BNC2: variants seen among roughly 807,000 people sequenced by gnomAD.
The protein encoded by BNC2 is zinc finger protein basonuclin-2.
Under a neutral mutation model 76.3 loss-of-function variants are expected in BNC2, and 20 were observed. That is an observed-to-expected ratio of 0.26 (90% CI 0.18 to 0.38). The LOEUF is 0.38. Among genes scored for constraint, BNC2 ranks in the 10% least tolerant of loss-of-function variants. The pLI is 1.00. For missense variants in BNC2, 1,382 were observed against 1,399.8 expected, an observed-to-expected ratio of 0.99 and a Z score of 0.20; for synonymous variants, 582 against 514.8, an observed-to-expected ratio of 1.13 and a Z score of -1.77.
At chr9:16,736,444 T>TTATTATTA (rs56118953) in intron 2 of BNC2, among the ~76,000 whole-genome samples, 1 of 149,270 alleles carries the variant, frequency 6.7e-6, no homozygotes, top group Non-Finnish European at 1.5e-5. Flanking sequence ...ACAGAGACTA[T>TTATTATTA]TTATTATTAT....
At chr9:16,532,904 C>G (rs1030955794) in intron 5 of BNC2, among the ~76,000 whole-genome samples, 4 of 152,188 alleles carry the variant, frequency 2.6e-5, no homozygotes, top group African/African-American at 2.4e-5. Flanking sequence ...CCAGAGAAAT[C>G]AGCAAACACT....
At chr9:16,628,014 T>C (rs761532993) in intron 3 of BNC2, among the ~76,000 whole-genome samples, 7 of 152,190 alleles carry the variant, frequency 4.6e-5, no homozygotes, top group Non-Finnish European at 1.0e-4. Context: ...GGCCAATCCT[T>C]AAGAAGTCAC....
At chr9:16,777,938 T>C (rs1563938558) in intron 1 of BNC2, among the ~76,000 whole-genome samples, 1 of 152,126 alleles carries the variant, frequency 6.6e-6, no homozygotes, top group African/African-American at 2.4e-5. Flanking sequence ...ATACTGGCAA[T>C]GAGAAAACAG....
chr9:16,725,215 T>TCACACACACA (rs1184662562), intron 3 of BNC2, among the ~76,000 whole-genome samples: 7 of 59,588 alleles, frequency 1.2e-4, no homozygotes, highest in South Asian at 3.9e-4. Context: ...AGTCTCTCTC[T>TCACACACACA]CTCACACACA....
At chr9:16,738,609 T>G in intron 1 of BNC2, 124 bp from the exon 2 acceptor site, 2 of 1,095,346 alleles carry the variant, frequency 1.8e-6, no homozygotes, top group African/African-American at 3.1e-5. Flanking sequence ...ACACATTTTT[T>G]AAGAGTTAAT....
At chr9:16,627,974 C>A (rs1343025194) in intron 3 of BNC2, among the ~76,000 whole-genome samples, 1 of 152,120 alleles carries the variant, frequency 6.6e-6, no homozygotes, top group Non-Finnish European at 1.5e-5. Context: ...GGACATTTTA[C>A]GGTGTACAAT....
chr9:16,496,641 T>C (rs1822395126), intron 5 of BNC2, among the ~76,000 whole-genome samples: 1 of 152,246 alleles, frequency 6.6e-6, no homozygotes, highest in Non-Finnish European at 1.5e-5. Flanking sequence ...TTTCTTTAAA[T>C]ATTTAATATA....
intron 1 of BNC2, among the ~76,000 whole-genome samples, chr9:16,785,471 T>G (rs971352929): frequency 1.3e-5 from 2 of 151,796 alleles, no homozygotes; most frequent in East Asian, 1.9e-4. Context: ...ATTGCCTAAC[T>G]GCAACCTCCA....
chr9:16,657,378 C>T (rs1821959901), intron 3 of BNC2, among the ~76,000 whole-genome samples: 1 of 152,078 alleles, frequency 6.6e-6, no homozygotes, highest in African/African-American at 2.4e-5. Context: ...TCAAATGTCA[C>T]AGAGAAATAA....
At chr9:16,707,406 C>A (rs908341910) in intron 3 of BNC2, among the ~76,000 whole-genome samples, 1 of 152,138 alleles carries the variant, frequency 6.6e-6, no homozygotes, top group Admixed American at 6.5e-5. Context: ...CAAACAGATA[C>A]ACTTTTCTTC....
At chr9:16,517,074 G>C (rs185307025) in intron 5 of BNC2, among the ~76,000 whole-genome samples, 46 of 152,332 alleles carry the variant, frequency 3.0e-4, no homozygotes, top group Admixed American at 4.6e-4. Context: ...GTTCTAAACT[G>C]ACTGAGGTTT....
chr9:16,424,242 A>G (rs1820762011), intron 6 of BNC2, among the ~76,000 whole-genome samples: 3 of 152,132 alleles, frequency 2.0e-5, no homozygotes, highest in East Asian at 1.9e-4. Flanking sequence ...ACTTGGCTTT[A>G]AGATATCGGG....
chr9:16,831,691 T>C (rs188049024), intron 1 of BNC2, among the ~76,000 whole-genome samples: 1 of 152,282 alleles, frequency 6.6e-6, no homozygotes, highest in African/African-American at 2.4e-5. Flanking sequence ...TATGAACAGA[T>C]TTGGTGGTTG....
chr9:16,525,481 T>C (rs1297169215), intron 5 of BNC2, among the ~76,000 whole-genome samples: 1 of 152,160 alleles, frequency 6.6e-6, no homozygotes, highest in Non-Finnish European at 1.5e-5. Flanking sequence ...CAGAAATGAC[T>C]GATAATCATA....
At chr9:16,861,325 A>G (rs1284605506) in intron 1 of BNC2, among the ~76,000 whole-genome samples, 6 of 151,694 alleles carry the variant, frequency 4.0e-5, no homozygotes, top group African/African-American at 1.2e-4. Context: ...CTGCACTCCA[A>G]CCTGCACAAC....
In BNC2 at chr9:16,738,379, A is replaced by T; in HGVS notation, c.110T>A (p.Val37Asp). The T allele has an allele frequency of 6.2e-7, 1 of 1,614,028 alleles. No homozygotes were observed. Among genetic ancestry groups the T allele is most frequent in the African/African-American group, 1.3e-5 (1 of 75,018 alleles). ...ACATACCTCAATTTGAGATGTATCA[A>T]CCCCACAACATGGGACCTTGAAATA... ...PAYFKVPCCG[V>D]DTSQIESEEA... is the part of the protein sequence containing the mutation. The change falls in exon 2 of 7, where the codon GTT becomes GAT. Residue 37 changes from valine to aspartate, a missense_variant. By Grantham distance (152) the Val-to-Asp change is radical. Coordinates refer to ENST00000380672, the MANE Select transcript of BNC2 (RefSeq NM_017637.6).
rs926269554 is a variant in BNC2, at chr9:16,435,644, A to G, written c.2550T>C (p.Leu850=). Residue 850 remains leucine, a synonymous_variant, in exon 6 of 7, where the codon CTT becomes CTC. Transcript: ENST00000380672. ...CTTTCAAGTGAACGTTCCTGTAGTG[A>G]AGTTTCACACTGTAGGAGCTTTTGA... ...KSFKSSYSVK[L]HYRNVHLKEM... 1.2e-6 allele frequency: 2 copies of G among 1,614,146 alleles called. No homozygotes were observed. The highest frequency in any genetic ancestry group is 2.7e-5 in the African/African-American group (2 of 75,030).
chr9:16,806,820 T>C (rs944039056), intron 1 of BNC2, among the ~76,000 whole-genome samples: 22 of 152,144 alleles, frequency 1.4e-4, no homozygotes, highest in African/African-American at 5.1e-4. Context: ...GTGGAGGAAG[T>C]TAACAGGTGT....
intron 1 of BNC2, among the ~76,000 whole-genome samples, chr9:16,855,841 C>A (rs1461806437): frequency 3.9e-5 from 6 of 152,300 alleles, no homozygotes; most frequent in South Asian, 2.1e-4. Flanking sequence ...AGCCACCACA[C>A]CCGGCCACAT....
Sources: allele counts gnomAD v4.1 joint callset (sites outside exome capture counted in the v4.1 genomes callset), GRCh38; gene constraint gnomAD v4.1.1; transcripts MANE v1.5; gene names NCBI Gene and HGNC (gene_info 2026-07-23, HGNC 2026-07-21).